Variants in TRAPPC3 observed in about 807,000 individuals in gnomAD.
TRAPPC3 encodes the protein trafficking protein particle complex 3.
In TRAPPC3, 5 loss-of-function variants were observed where a neutral mutation model predicts 18.2. The ratio of observed to expected loss-of-function variants is 0.28; its 90% CI spans 0.14 to 0.58. The LOEUF is 0.58. Ranked by LOEUF, TRAPPC3 falls within the 20% of genes least tolerant of loss-of-function variation. TRAPPC3 has a pLI of 0.91. For synonymous variants in TRAPPC3, 65 were observed against 84.2 expected, an observed-to-expected ratio of 0.77 and a Z score of 1.25; for missense variants, 176 against 225.9, an observed-to-expected ratio of 0.78 and a Z score of 1.41.
chr1:36,154,086 C>A (rs141677806), upstream of TRAPPC3, among the ~76,000 whole-genome samples: 614 of 152,306 alleles, frequency 4.0e-3, 7 homozygotes, highest in African/African-American at 0.014. Flanking sequence ...CTCACTGCAA[C>A]CTCCGCCTCT....
rs2124139672 is a variant in TRAPPC3 at position 36,138,275 on chromosome 1, T to C, written c.241-297A>G. On this transcript the variant is annotated intron_variant, in intron 3 of 4. Coordinates refer to ENST00000373166, the MANE Select transcript of TRAPPC3 (RefSeq NM_014408.5). ...AAGCAACAACTCACTCACTGTGTGCTTGTACTTCTCAGTGGAAGGGAGCAC... is the reference window on the plus strand; with the variant it reads ...AAGCAACAACTCACTCACTGTGTGCCTGTACTTCTCAGTGGAAGGGAGCAC... 4 of 1,536,754 alleles carry C rather than the reference T, an allele frequency of 2.6e-6. No homozygotes were observed. The East Asian group carries it at 9.8e-5, about 38-fold the overall frequency.
At chr1:36,150,926 G>A (rs1314933112), upstream of TRAPPC3, among the ~76,000 whole-genome samples, 2 of 152,198 alleles carry the variant, frequency 1.3e-5, no homozygotes, top group Admixed American at 6.5e-5. Context: ...CGGTCTGTCG[G>A]TCTGGGCTCC....
In TRAPPC3 at chr1:36,137,176, A is replaced by T. The variant is rs1644037126; in HGVS notation, c.*27T>A. 6.3e-7 allele frequency: 1 copy of T among 1,595,344 alleles called. No homozygotes were observed. The highest frequency in any genetic ancestry group is 8.6e-7 in the Non-Finnish European group (1 of 1,164,358). Reference sequence around the variant, plus strand: ...CCTGCTGATTCCAACAGTGCTCCTGATGGCTATCCTCGAGTTGTAGGGATG... The same window carrying T: ...CCTGCTGATTCCAACAGTGCTCCTGTTGGCTATCCTCGAGTTGTAGGGATG... On this transcript the variant is annotated 3_prime_UTR_variant, in exon 5 of 5. Coordinates refer to ENST00000373166, the MANE Select transcript of TRAPPC3 (RefSeq NM_014408.5).
chr1:36,141,786 C>T (rs532712351), intron 1 of TRAPPC3, among the ~76,000 whole-genome samples: 24 of 151,826 alleles, frequency 1.6e-4, no homozygotes, highest in East Asian at 7.8e-4. Context: ...GGTGAAACCC[C>T]GTCTCTACTA....
chr1:36,142,379 T>C (rs908829430), intron 1 of TRAPPC3, among the ~76,000 whole-genome samples: 7 of 152,218 alleles, frequency 4.6e-5, no homozygotes, highest in South Asian at 2.1e-4. Flanking sequence ...GTCCAGAGAA[T>C]TGGCACCACT....
At chr1:36,148,287 C>A (rs1305109682) in intron 1 of TRAPPC3, among the ~76,000 whole-genome samples, 1 of 152,102 alleles carries the variant, frequency 6.6e-6, no homozygotes, top group African/African-American at 2.4e-5. Flanking sequence ...TGGTGAAACC[C>A]CGTCTCTACT....
At chr1:36,141,163 AAAG>A (rs58602041) in intron 1 of TRAPPC3, among the ~76,000 whole-genome samples, 94,052 of 151,312 alleles carry the variant, frequency 0.62, 30,955 homozygotes, top group Non-Finnish European at 0.76. Flanking sequence ...GTCAAAAAAA[AAAG>A]AAGAATTCTG....
intron 1 of TRAPPC3, among the ~76,000 whole-genome samples, chr1:36,155,398 C>G (rs1038985733): frequency 2.0e-5 from 3 of 152,140 alleles, no homozygotes; most frequent in Non-Finnish European, 4.4e-5. Context: ...TCACCACCCC[C>G]TCATCGACAG....
At position 36,137,337 on chromosome 1, in the gene TRAPPC3, G is replaced by A. The variant is rs1557756146; in HGVS notation, c.424-15C>T. ...GCCATCTGGACCTGGGGGACAGTGG[G>A]AAAACGAAGGGGTAGCTGCCTGGCC... On this transcript the variant is annotated splice_polypyrimidine_tract_variant and intron_variant, in intron 4 of 4. Coordinates refer to ENST00000373166, the MANE Select transcript of TRAPPC3 (RefSeq NM_014408.5). 4 of 1,604,714 alleles carry A rather than the reference G, an allele frequency of 2.5e-6. No individual in the cohort carries two copies. Among genetic ancestry groups the A allele is most frequent in the Admixed American group, 3.3e-5 (2 of 59,868 alleles).
Position 36,149,464 on chromosome 1 carries a change from A to C in TRAPPC3, c.-86T>G. On this transcript the variant is annotated 5_prime_UTR_variant, in exon 1 of 5. Coordinates refer to ENST00000373166, the MANE Select transcript of TRAPPC3 (RefSeq NM_014408.5). The stretch of plus-strand genomic sequence containing the variant: ...GCCGGAGCCTAAGCCGCTGCCCCTC[A>C]GCCCACAAGACCGACCGGCACTGAC... 1.9e-6 allele frequency: 3 copies of C among 1,544,542 alleles called. No individual in the cohort carries two copies. Among genetic ancestry groups the C allele is most frequent in the Non-Finnish European group, 2.6e-6 (3 of 1,136,468 alleles).
At chr1:36,139,239 A>G (rs1295843065) in intron 3 of TRAPPC3, among the ~76,000 whole-genome samples, 1 of 143,458 alleles carries the variant, frequency 7.0e-6, no homozygotes, top group Admixed American at 7.0e-5. Context: ...GCTCACTGCA[A>G]CCTCCGCCTC....
Position 36,141,816 on chromosome 1 carries a change from G to A in TRAPPC3, c.43-1650C>T, listed in dbSNP as rs140514205. ...CTACTAAAAATACAAAAATTAGCTG[G>A]GTGTGGTGGCGCGTGCCTGTAATCC... On this transcript the variant is annotated intron_variant, in intron 1 of 4. Transcript: ENST00000373166. 1.6e-3 allele frequency among the ~76,000 whole-genome samples: 250 copies of A among 152,096 alleles called. 1 individual carries two copies. Among genetic ancestry groups the A allele is most frequent in the African/African-American group, 5.9e-3 (243 of 41,488 alleles).
chr1:36,141,118 A>G (rs1258708464), intron 1 of TRAPPC3: 1 of 152,076 alleles, frequency 6.6e-6, no homozygotes. Flanking sequence ...AGATCGTGCC[A>G]CTGCACTCCA....
In TRAPPC3 at chr1:36,149,474, A is replaced by C. The variant is rs1644251011; in HGVS notation, c.-96T>G. ...AAGCCGCTGCCCCTCAGCCCACAAG[A>C]CCGACCGGCACTGACTCACTGCGCC... On this transcript the variant is annotated 5_prime_UTR_variant, in exon 1 of 5. Transcript: ENST00000373166. 2 of 1,486,530 alleles carry C rather than the reference A, an allele frequency of 1.3e-6. No homozygotes were observed. The highest frequency in any genetic ancestry group is 1.8e-6 in the Non-Finnish European group (2 of 1,090,130). The allele number at this position is 1,486,530 out of a possible 1,614,324, so 92.1% of individuals were successfully genotyped here. A position where few individuals can be genotyped will look rare whatever the true frequency, so the allele number is the denominator to read the frequency against.
intron 3 of TRAPPC3, among the ~76,000 whole-genome samples, chr1:36,139,211 T>C (rs1174299909): frequency 7.0e-6 from 1 of 142,446 alleles, no homozygotes; most frequent in Non-Finnish European, 1.5e-5. Context: ...CAGGATGGAA[T>C]GCAGTGATGT....
At position 36,149,432 on chromosome 1, in the gene TRAPPC3, T is replaced by C; in HGVS notation, c.-54A>G. The C allele has an allele frequency of 1.2e-6, 2 of 1,601,948 alleles. No homozygotes were observed. The highest frequency in any genetic ancestry group is 8.5e-7 in the Non-Finnish European group (1 of 1,174,444). On this transcript the variant is annotated 5_prime_UTR_variant, in exon 1 of 5. Coordinates refer to ENST00000373166, the MANE Select transcript of TRAPPC3 (RefSeq NM_014408.5). ...AGCCACGGGTTAGCTCGGCGACCCC[T>C]GCAGACGCCGGAGCCTAAGCCGCTG...
chr1:36,149,602 A>G, upstream of TRAPPC3: 2 of 609,974 alleles, frequency 3.3e-6, no homozygotes, highest in Admixed American at 2.8e-5. Flanking sequence ...CCCCTTTGGC[A>G]GCACCGCCTC....
At chr1:36,145,325 G>A (rs1229555063) in intron 1 of TRAPPC3, among the ~76,000 whole-genome samples, 1 of 151,904 alleles carries the variant, frequency 6.6e-6, no homozygotes, top group African/African-American at 2.4e-5. Flanking sequence ...CACCATGCCT[G>A]GCCAGGAGGC....
At chr1:36,154,436 C>A (rs887720583), upstream of TRAPPC3, among the ~76,000 whole-genome samples, 4 of 152,168 alleles carry the variant, frequency 2.6e-5, no homozygotes, top group Admixed American at 1.3e-4. Flanking sequence ...GCTCTCTCCC[C>A]ATACGTGTTC....
Sources: allele counts gnomAD v4.1 joint callset (sites outside exome capture counted in the v4.1 genomes callset), GRCh38; gene constraint gnomAD v4.1.1; transcripts MANE v1.5; gene names NCBI Gene and HGNC (gene_info 2026-07-23, HGNC 2026-07-21).